The following CATSPERG variants were observed in gnomAD, a reference collection of about 807,000 sequenced individuals.
The protein encoded by CATSPERG is catsper channel auxiliary subunit gamma, also known as cation channel sperm-associated auxiliary subunit gamma.
Under a neutral mutation model 145.0 loss-of-function variants are expected in CATSPERG, and 115 were observed. The observed-to-expected ratio is 0.79, with a 90% CI of 0.68 to 0.93. The LOEUF (loss-of-function observed/expected upper bound fraction) is 0.93. CATSPERG is among the 40% of genes least tolerant of loss of function. The pLI, the probability that CATSPERG is intolerant of heterozygous loss-of-function variation, is 0.00. For missense variants in CATSPERG, 1,296 were observed against 1,490.1 expected, an observed-to-expected ratio of 0.87 and a Z score of 2.14; for synonymous variants, 588 against 589.0, an observed-to-expected ratio of 1.00 and a Z score of 0.02.
chr19:38,368,036 G>A lies in CATSPERG; in HGVS notation c.2931-12G>A, dbSNP rs369729633. ...CCCCAACCCCTGGCTGAGATGACCT[G>A]GGCCTGCACAGGACCAACAGCCTTA... is the stretch of plus-strand genomic sequence containing the variant. On this transcript the variant is annotated splice_polypyrimidine_tract_variant and intron_variant, in intron 25 of 28. Coordinates refer to ENST00000409235, the MANE Select transcript of CATSPERG (RefSeq NM_021185.5). The A allele has an allele frequency of 3.7e-5, 59 of 1,613,446 alleles. No homozygotes were observed. Among genetic ancestry groups the A allele is most frequent in the East Asian group, 1.3e-4 (6 of 44,892 alleles).
Position 38,344,102 on chromosome 19 carries a change from C to G in CATSPERG, c.579C>G (p.Thr193=). Reference sequence around the variant, plus strand: ...ACATCAGCAGCAATGGCCTGGGGACCTTCATTCCAGATAAAAGGTACCCTT... The same window carrying G: ...ACATCAGCAGCAATGGCCTGGGGACGTTCATTCCAGATAAAAGGTACCCTT... ...RVDISSNGLG[T]FIPDKRFQMN... Residue 193 remains threonine, a synonymous_variant, in exon 5 of 29, where the codon ACC becomes ACG. Transcript: ENST00000409235. 1.3e-6 allele frequency: 2 copies of G among 1,551,576 alleles called. No individual in the cohort carries two copies. Among genetic ancestry groups the G allele is most frequent in the Non-Finnish European group, 8.7e-7 (1 of 1,146,948 alleles).
Position 38,367,276 on chromosome 19 carries a change from G to A in CATSPERG, c.2734G>A (p.Val912Met), listed in dbSNP as rs199876393. The stretch of plus-strand genomic sequence containing the variant: ...CAAACACTACTTTGACTGCGTTAAC[G>A]TGAACCCGGAGATGCCCTGCTTTCT... The part of the protein sequence containing the change: ...KNKHYFDCVN[V>M]NPEMPCFLFR... Residue 912 changes from valine (V) to methionine (M), a missense_variant, in exon 23 of 29, where the codon GTG (valine) becomes ATG (methionine). Transcript: ENST00000409235. 4.8e-5 allele frequency: 78 copies of A among 1,613,338 alleles called. No individual in the cohort carries two copies. The Middle Eastern group carries it at 4.9e-4, about 10-fold the overall frequency.
intron 1 of CATSPERG, chr19:38,336,240 G>A (rs1352836581): frequency 2.2e-6 from 1 of 456,570 alleles, no homozygotes. Flanking sequence ...GTGCCGGCGT[G>A]GAAGGAGAAG....
Position 38,343,574 on chromosome 19 carries a change from C to G in CATSPERG, c.325-6C>G, listed in dbSNP as rs893232022. The G allele has an allele frequency of 1.9e-5, 29 of 1,544,384 alleles. No homozygotes were observed. The highest frequency in any genetic ancestry group is 2.1e-5 in the Non-Finnish European group (24 of 1,143,480). On this transcript the variant is annotated splice_region_variant and splice_polypyrimidine_tract_variant and intron_variant, in intron 3 of 28. Transcript: ENST00000409235. ...GGACACACTTGTGGGGCCATCTCAC[C>G]CTCAGCCCTCTGAGGACCTGGTGCG...
At chr19:38,360,866 CAG>C (rs1555735920) in intron 16 of CATSPERG, 23 bp downstream of exon 16, 18 of 1,580,212 alleles carry the variant, frequency 1.1e-5, no homozygotes, top group Admixed American at 1.8e-5. Flanking sequence ...CGGACCATGA[CAG>C]GGGTCTGAGG....
chr19:38,358,884 C>G (rs2145096194), intron 13 of CATSPERG, among the ~76,000 whole-genome samples: 1 of 152,062 alleles, frequency 6.6e-6, no homozygotes. Context: ...GAGTCTCACT[C>G]TGTCACCCAG....
chr19:38,365,203 A>T (rs1320826555), intron 22 of CATSPERG, 86 bp downstream of exon 22: 32 of 1,136,272 alleles, frequency 2.8e-5, no homozygotes, highest in Non-Finnish European at 4.1e-5. Flanking sequence ...AATCCCACTA[A>T]TGCATTCATA....
At position 38,367,187 on chromosome 19, in the gene CATSPERG, G is replaced by T. The variant is rs996486983; in HGVS notation, c.2645G>T (p.Cys882Phe). The change falls in exon 23 of 29, where the codon TGC becomes TTC. Residue 882 changes from cysteine to phenylalanine, a missense_variant. Cys to Phe is a radical substitution (Grantham distance 205). Transcript: ENST00000409235. ...GNLMVPVFIG[C>F]PPGKRLAFDI... ...CTGATGGTGCCAGTGTTCATTGGCTGCCCCCCAGGCAAGCGCCTGGCCTTC... is the reference window on the plus strand; with the variant it reads ...CTGATGGTGCCAGTGTTCATTGGCTTCCCCCCAGGCAAGCGCCTGGCCTTC... The T allele has an allele frequency of 6.2e-7, 1 of 1,613,280 alleles. No homozygotes were observed. The highest frequency in any genetic ancestry group is 8.5e-7 in the Non-Finnish European group (1 of 1,179,816).
chr19:38,354,033 C>CTTATTTCTT lies in CATSPERG; in HGVS notation c.998-676_998-668dup, dbSNP rs1441906827. 2.4e-4 allele frequency among the ~76,000 whole-genome samples: 34 copies of CTTATTTCTT among 142,836 alleles called. No homozygotes were observed. In the East Asian group the frequency reaches 5.1e-3, roughly 21 times the overall value. The allele number at this position is 142,836 out of a possible 152,430, so 93.7% of individuals were successfully genotyped here. On this transcript the variant is annotated intron_variant, in intron 8 of 28. Transcript: ENST00000409235. ...AAAAAAAAAAAGATACCAAAGCTCTCTTATTTCTTCCAGTTTCTCCCGCCA... is the reference window on the plus strand; with the variant it reads ...AAAAAAAAAAAGATACCAAAGCTCTCTTATTTCTTTTATTTCTTCCAGTTTCTCCCGCCA...
chr19:38,367,966 C>G lies in CATSPERG; in HGVS notation c.2931-82C>G. Reference sequence around the variant, plus strand: ...CATGTCCCCTGCACCCACCTGTGGCCTCCCTCCACACTGACCACTGAGGTC... The same window carrying G: ...CATGTCCCCTGCACCCACCTGTGGCGTCCCTCCACACTGACCACTGAGGTC... On this transcript the variant is annotated intron_variant, in intron 25 of 28. Transcript: ENST00000409235. The G allele has an allele frequency of 4.5e-6, 6 of 1,336,244 alleles. No individual in the cohort carries two copies. The South Asian group carries it at 7.0e-5, about 16-fold the overall frequency. 82.8% of individuals were successfully genotyped at this position (1,336,244 alleles called of 1,614,324 possible).
intron 3 of CATSPERG, among the ~76,000 whole-genome samples, chr19:38,342,079 A>T (rs994478537): frequency 8.0e-3 from 2 of 250 alleles, no homozygotes; most frequent in African/African-American, 0.077. Context: ...CCTTATCTTA[A>T]AAAAAAAAAA....
At chr19:38,364,726 C>A (rs968817757) in intron 20 of CATSPERG, among the ~76,000 whole-genome samples, 165 bp from the exon 21 acceptor site, 2 of 152,256 alleles carry the variant, frequency 1.3e-5, no homozygotes. Context: ...TGGAGACCAG[C>A]CCGGCCAACA....
chr19:38,356,887 G>A, intron 11 of CATSPERG, 26 bp downstream of exon 11: 1 of 1,612,108 alleles, frequency 6.2e-7, no homozygotes, highest in South Asian at 1.1e-5. Context: ...CAAGGGGCTG[G>A]GCACAAAGGG....
chr19:38,362,859 A>T, intron 20 of CATSPERG, 27 bp downstream of exon 20: 2 of 1,143,978 alleles, frequency 1.7e-6, no homozygotes, highest in Non-Finnish European at 2.6e-6. Context: ...AGTTGGGATC[A>T]AGGGAGGTTT....
chr19:38,355,347 A>G (rs780714442), intron 9 of CATSPERG, among the ~76,000 whole-genome samples: 1 of 150,996 alleles, frequency 6.6e-6, no homozygotes, highest in Non-Finnish European at 1.5e-5. Context: ...TCTGTCTCAA[A>G]AACGAACAAA....
Position 38,356,536 on chromosome 19 carries a change from G to T in CATSPERG, c.1188G>T (p.Gln396His). The T allele has an allele frequency of 6.2e-7, 1 of 1,613,918 alleles. No individual in the cohort carries two copies. Among genetic ancestry groups the T allele is most frequent in the African/African-American group, 1.3e-5 (1 of 75,034 alleles). ...MLPRQWSVCE[Q>H]IGVTTCSIIW... ...CCAGGCAGTGGTCTGTGTGCGAGCA[G>T]ATAGGAGGTACTCATTACCCCGATG... Residue 396 changes from glutamine to histidine, a missense_variant, in exon 10 of 29, where the codon CAG (glutamine) becomes CAT (histidine). By Grantham distance (24) the Gln-to-His change is conservative. Transcript: ENST00000409235.
Position 38,362,501 on chromosome 19 carries a change from C to T in CATSPERG, c.2283C>T (p.Asp761=). ...AGCTGCCGGAGCGCATTTTCCTGGA[C>T]AAGGGCACTGAGTACAGCTTCGCCA... is the stretch of plus-strand genomic sequence containing the variant. ...AYELPERIFL[D]KGTEYSFAIF... is the part of the protein sequence containing the mutation. The change falls in exon 19 of 29, where the codon GAC becomes GAT. Residue 761 remains aspartate (D), a synonymous_variant. Transcript: ENST00000409235. The T allele has an allele frequency of 1.9e-6, 3 of 1,613,940 alleles. No individual in the cohort carries two copies. The highest frequency in any genetic ancestry group is 2.5e-6 in the Non-Finnish European group (3 of 1,180,044).
At chr19:38,361,992 G>GGGGGGC in intron 17 of CATSPERG, 131 bp downstream of exon 17, 1 of 347,380 alleles carries the variant, frequency 2.9e-6, no homozygotes, top group Non-Finnish European at 5.6e-6. Flanking sequence ...GTGGGCGGGG[G>GGGGGGC]ACCTGGGGGC....
chr19:38,367,274 ACGTGAACCCGGAGATGC>A lies in CATSPERG; in HGVS notation c.2734_2750del (p.Val912LeufsTer48). On this transcript the variant is annotated frameshift_variant, in exon 23 of 29. Transcript: ENST00000409235. LOFTEE classifies it high-confidence loss of function. Reference sequence around the variant, plus strand: ...AACAAACACTACTTTGACTGCGTTAACGTGAACCCGGAGATGCCCTGCTTTCTCTTCCGGGACAGTGT... The same window carrying A: ...AACAAACACTACTTTGACTGCGTTAACCTGCTTTCTCTTCCGGGACAGTGT... 6.2e-7 allele frequency: 1 copy of A among 1,613,608 alleles called. No individual in the cohort carries two copies. Among genetic ancestry groups the A allele is most frequent in the South Asian group, 1.1e-5 (1 of 91,074 alleles).
Sources: gnomAD v4.1 joint callset for allele counts (sites outside exome capture counted in the v4.1 genomes callset) on GRCh38, gnomAD v4.1.1 for gene constraint, MANE v1.5 for transcripts, NCBI Gene and HGNC (gene_info 2026-07-23, HGNC 2026-07-21) for gene names.